The following LRIG3 variants were observed in gnomAD, a reference collection of about 807,000 sequenced individuals.
LRIG3 encodes leucine rich repeats and immunoglobulin like domains 3, also known as leucine-rich repeats and immunoglobulin-like domains protein 3.
Under a neutral mutation model 114.5 loss-of-function variants are expected in LRIG3, and 76 were observed. The ratio of observed to expected loss-of-function variants is 0.66; its 90% CI spans 0.55 to 0.80. The LOEUF is 0.80. Ranked by LOEUF, LRIG3 falls within the 30% of genes least tolerant of loss-of-function variation. The pLI is 0.00. For synonymous variants in LRIG3, 512 were observed against 519.8 expected, an observed-to-expected ratio of 0.98 and a Z score of 0.20; for missense variants, 1,239 against 1,382.8, an observed-to-expected ratio of 0.90 and a Z score of 1.65.
At position 58,872,633 on chromosome 12, in the gene LRIG3, A is replaced by G; in HGVS notation, c.3299T>C (p.Phe1100Ser). 1 of 1,614,066 alleles carries G rather than the reference A, an allele frequency of 6.2e-7. No homozygotes were observed. Among genetic ancestry groups the G allele is most frequent in the Non-Finnish European group, 8.5e-7 (1 of 1,179,962 alleles). Residue 1100 changes from phenylalanine to serine, a missense_variant, in exon 19 of 19, where the codon TTT becomes TCT. Phe to Ser is a radical substitution (Grantham distance 155, BLOSUM62 -2). Transcript: ENST00000320743. ...DFQEENHICT[F>S]KQTLENYRTP... is the part of the protein sequence containing the mutation. ...CCTGTAGTTTTCTAAAGTCTGTTTA[A>G]AGGTACAAATGTGATTTTCTTCCTG...
At chr12:58,914,744 A>G (rs187601293) in intron 1 of LRIG3, among the ~76,000 whole-genome samples, 16 of 152,360 alleles carry the variant, frequency 1.1e-4, no homozygotes, top group South Asian at 6.2e-4. Flanking sequence ...ATTGTCATAC[A>G]TTTAAGCATC....
intron 3 of LRIG3, among the ~76,000 whole-genome samples, chr12:58,907,884 G>T (rs575759809): frequency 1.3e-5 from 2 of 152,092 alleles, no homozygotes; most frequent in Non-Finnish European, 2.9e-5. Flanking sequence ...TTGAGAGCTC[G>T]CTAAGATAAA....
At chr12:58,886,776 G>C (rs756521952) in intron 9 of LRIG3, 34 bp downstream of exon 9, 1 of 1,590,596 alleles carries the variant, frequency 6.3e-7, no homozygotes, top group Non-Finnish European at 8.6e-7. Flanking sequence ...TTAAATCAAA[G>C]AGTGAGCTAA....
At chr12:58,918,007 C>T (rs1248056009) in intron 1 of LRIG3, among the ~76,000 whole-genome samples, 1 of 152,102 alleles carries the variant, frequency 6.6e-6, no homozygotes, top group Non-Finnish European at 1.5e-5. Context: ...GCTTTAGGTA[C>T]AAACAAAAGA....
chr12:58,887,333 C>T (rs1871309344), intron 8 of LRIG3, among the ~76,000 whole-genome samples: 1 of 152,126 alleles, frequency 6.6e-6, no homozygotes, highest in African/African-American at 2.4e-5. Flanking sequence ...CTTAAATTAC[C>T]ATTTGAGAAA....
chr12:58,891,989 G>A (rs1390942197), intron 3 of LRIG3, among the ~76,000 whole-genome samples: 1 of 151,796 alleles, frequency 6.6e-6, no homozygotes, highest in Non-Finnish European at 1.5e-5. Flanking sequence ...TTCTACCATT[G>A]TGTAAAGTTC....
intron 18 of LRIG3, 122 bp from the exon 19 acceptor site, chr12:58,872,938 A>G (rs1870788074): frequency 3.0e-5 from 39 of 1,292,640 alleles, no homozygotes; most frequent in Non-Finnish European, 3.9e-5. Flanking sequence ...CTACAAGTCC[A>G]CATTATGGCA....
chr12:58,909,966 A>G (rs1248069251), intron 3 of LRIG3, among the ~76,000 whole-genome samples: 2 of 152,210 alleles, frequency 1.3e-5, no homozygotes, highest in African/African-American at 4.8e-5. Flanking sequence ...AGCTCTGATC[A>G]TGTCATTCTG....
intron 10 of LRIG3, among the ~76,000 whole-genome samples, chr12:58,883,860 C>T (rs1871192647): frequency 6.6e-6 from 1 of 152,158 alleles, no homozygotes. Flanking sequence ...AGGGCCCATG[C>T]TGTTCTATTA....
At chr12:58,912,101 C>A (rs1158396907) in intron 3 of LRIG3, among the ~76,000 whole-genome samples, 1 of 152,110 alleles carries the variant, frequency 6.6e-6, no homozygotes, top group Non-Finnish European at 1.5e-5. Flanking sequence ...AAGTGAAACA[C>A]AAAAACAATA....
At chr12:58,886,493 G>C (rs951002824) in intron 9 of LRIG3, among the ~76,000 whole-genome samples, 2 of 151,486 alleles carry the variant, frequency 1.3e-5, no homozygotes, top group African/African-American at 4.9e-5. Flanking sequence ...TCAAGATGTG[G>C]AAGTGCCTGC....
At chr12:58,898,225 T>C (rs1297638946) in intron 3 of LRIG3, among the ~76,000 whole-genome samples, 1 of 152,226 alleles carries the variant, frequency 6.6e-6, no homozygotes, top group Admixed American at 6.5e-5. Context: ...AGAGGAGATT[T>C]AGATTCTATT....
At position 58,920,259 on chromosome 12, in the gene LRIG3, T is replaced by C. The variant is rs1872626739; in HGVS notation, c.-24A>G. The C allele has an allele frequency of 1.5e-6, 2 of 1,316,636 alleles. No individual in the cohort carries two copies. Among genetic ancestry groups the C allele is most frequent in the East Asian group, 3.2e-5 (1 of 31,732 alleles). 81.6% of individuals were successfully genotyped at this position (1,316,636 alleles called of 1,614,324 possible). A position where few individuals can be genotyped will look rare whatever the true frequency, so the allele number is the denominator to read the frequency against. Reference sequence around the variant, plus strand: ...ATCGCGGTCCAGCGGCCTAGGTCTCTACCCGAAGCTCCCAGCCGGCGCGCG... The same window carrying C: ...ATCGCGGTCCAGCGGCCTAGGTCTCCACCCGAAGCTCCCAGCCGGCGCGCG... On this transcript the variant is annotated 5_prime_UTR_variant, in exon 1 of 19. Transcript: ENST00000320743.
intron 3 of LRIG3, among the ~76,000 whole-genome samples, chr12:58,898,843 G>A (rs529686448): frequency 3.7e-3 from 569 of 152,172 alleles, no homozygotes; most frequent in Admixed American, 8.3e-3. Context: ...ATTTTTAGTA[G>A]AGATGGAGTT....
intron 10 of LRIG3, among the ~76,000 whole-genome samples, chr12:58,884,517 A>G (rs944824137): frequency 1.3e-5 from 2 of 152,260 alleles, no homozygotes; most frequent in African/African-American, 4.8e-5. Context: ...CCACGTTCCC[A>G]GAAACGGAAT....
chr12:58,882,170 C>A (rs74099549), intron 12 of LRIG3, among the ~76,000 whole-genome samples: 1 of 152,124 alleles, frequency 6.6e-6, no homozygotes, highest in Non-Finnish European at 1.5e-5. Context: ...TAAATAAAAG[C>A]AAATTCTGAT....
In LRIG3 at chr12:58,899,546, G is replaced by GT. The variant is rs959609931; in HGVS notation, c.384-8751dup. On this transcript the variant is annotated intron_variant, in intron 3 of 18. Coordinates refer to ENST00000320743, the MANE Select transcript of LRIG3 (RefSeq NM_153377.5). ...AACTTTTCTGAATATTCCTTTTACT[G>GT]TTTTTTTCATCATGTTTTTCTGATT... Among the ~76,000 whole-genome samples the GT allele has an allele frequency of 4.6e-5, 7 of 150,878 alleles. No individual in the cohort carries two copies. In the East Asian group the frequency reaches 7.8e-4, roughly 17 times the overall value.
At chr12:58,874,366 C>A in intron 17 of LRIG3, 36 bp from the exon 18 acceptor site, 1 of 1,608,404 alleles carries the variant, frequency 6.2e-7, no homozygotes, top group Non-Finnish European at 8.5e-7. Flanking sequence ...AAGGAGATTA[C>A]AGTTAGCACA....
intron 3 of LRIG3, among the ~76,000 whole-genome samples, chr12:58,901,606 A>G (rs1871851146): frequency 6.6e-6 from 1 of 152,208 alleles, no homozygotes. Context: ...AGAAAGTGCC[A>G]TTGGACAGCA....
Sources: gnomAD v4.1 joint callset for allele counts (sites outside exome capture counted in the v4.1 genomes callset) on GRCh38, gnomAD v4.1.1 for gene constraint, MANE v1.5 for transcripts, NCBI Gene and HGNC (gene_info 2026-07-23, HGNC 2026-07-21) for gene names.